ADCY9: variants seen among roughly 807,000 people sequenced by gnomAD.
ADCY9 encodes adenylate cyclase 9.
ADCY9 carries 50 observed loss-of-function variants against 101.5 expected under a neutral mutation model. The ratio of observed to expected loss-of-function variants is 0.49; its 90% confidence interval spans 0.39 to 0.62. ADCY9 has a LOEUF of 0.62. ADCY9 is among the 20% of genes least tolerant of loss of function. The probability of loss-of-function intolerance (pLI) is 0.00; values close to 1 mark genes in which losing one functional copy is unlikely to be tolerated. For missense variants in ADCY9, 1,662 were observed against 1,800.4 expected (o/e 0.92, Z 1.39); for synonymous variants, 905 against 769.3 (o/e 1.18, Z -2.92).
chr16:3,982,023 C>T (rs1019706091), intron 7 of ADCY9: 6 of 152,312 alleles, frequency 3.9e-5, no homozygotes, highest in Admixed American at 3.9e-4. Context: ...TGGGAGGGGT[C>T]CCCAGAAGCA....
chr16:3,999,416 A>G (rs2056314798), intron 3 of ADCY9, among the ~76,000 whole-genome samples: 1 of 152,158 alleles, frequency 6.6e-6, no homozygotes, highest in South Asian at 2.1e-4. Context: ...AGACGGCCAC[A>G]GACTCCAGGG....
intron 2 of ADCY9, among the ~76,000 whole-genome samples, chr16:4,009,701 C>T (rs753022242): frequency 2.0e-5 from 3 of 152,316 alleles, no homozygotes; most frequent in East Asian, 1.9e-4. Flanking sequence ...TGGAATACGA[C>T]GCAGGAGTGA....
intron 6 of ADCY9, among the ~76,000 whole-genome samples, chr16:3,986,704 C>T (rs572527761): frequency 5.3e-5 from 8 of 152,070 alleles, no homozygotes; most frequent in South Asian, 2.1e-4. Context: ...GTGATCTGCC[C>T]GCCTCAGCCT....
chr16:4,053,792 T>A (rs1343159082), intron 2 of ADCY9, among the ~76,000 whole-genome samples: 2 of 152,130 alleles, frequency 1.3e-5, no homozygotes, highest in African/African-American at 4.8e-5. Context: ...ACTTCAAAAG[T>A]TATTTGCCTC....
At chr16:4,001,471 G>A (rs939183273) in intron 3 of ADCY9, among the ~76,000 whole-genome samples, 1 of 152,230 alleles carries the variant, frequency 6.6e-6, no homozygotes, top group African/African-American at 2.4e-5. Context: ...GCAGTGAGCA[G>A]GGAGGCTCAC....
At chr16:3,995,583 C>A (rs2056280315) in intron 3 of ADCY9, among the ~76,000 whole-genome samples, 1 of 150,148 alleles carries the variant, frequency 6.7e-6, no homozygotes, top group Non-Finnish European at 1.5e-5. Context: ...ATGAAGAAGA[C>A]AAACCGTGGC....
intron 5 of ADCY9, among the ~76,000 whole-genome samples, chr16:3,991,337 C>A (rs1010838486): frequency 6.6e-6 from 1 of 152,090 alleles, no homozygotes; most frequent in Non-Finnish European, 1.5e-5. Flanking sequence ...ACTGCGTGTC[C>A]CTGGAGAGGA....
chr16:4,115,514 C>T lies in ADCY9; in HGVS notation c.-43-29G>A. ...CCAGCAAAACGGGGAGAGTTAGCGG[C>T]GCTCCCACCTAGGCATGCACGCCTA... On this transcript the variant is annotated intron_variant, in intron 1 of 10. Transcript: ENST00000294016. The surrounding 1 kb of genome is among the most constrained non-coding windows in gnomAD (Gnocchi z 6.2). 1 of 1,456,470 alleles carries T rather than the reference C, an allele frequency of 6.9e-7. No homozygotes were observed. The highest frequency in any genetic ancestry group is 2.5e-5 in the East Asian group (1 of 40,204). 90.2% of individuals were successfully genotyped at this position (1,456,470 alleles called of 1,614,324 possible). A position where few individuals can be genotyped will look rare whatever the true frequency, so the allele number is the denominator to read the frequency against.
intron 2 of ADCY9, 113 bp downstream of exon 2, chr16:4,113,637 G>C (rs946579037): frequency 2.2e-6 from 3 of 1,362,424 alleles, no homozygotes; most frequent in Non-Finnish European, 3.0e-6. Flanking sequence ...CCATGGTAAG[G>C]CATTCTGAGA....
rs568215739 is a variant in ADCY9 at position 4,054,923 on chromosome 16, A to G, written c.1694-47365T>C. On this transcript the variant is annotated intron_variant, in intron 2 of 10. Transcript: ENST00000294016. Reference sequence around the variant, plus strand: ...ACAAAAGAATCCCACATGCTGTACAACACCACTCGAGATTTTAGGGTTTTT... The same window carrying G: ...ACAAAAGAATCCCACATGCTGTACAGCACCACTCGAGATTTTAGGGTTTTT... 5.3e-5 allele frequency among the ~76,000 whole-genome samples: 8 copies of G among 152,306 alleles called. No individual in the cohort carries two copies. In the South Asian group the frequency reaches 1.7e-3, roughly 32 times the overall value.
chr16:4,085,611 A>G (rs2056932848), intron 2 of ADCY9, among the ~76,000 whole-genome samples: 1 of 152,110 alleles, frequency 6.6e-6, no homozygotes, highest in East Asian at 1.9e-4. Flanking sequence ...TCCAACCCTG[A>G]CTGGTTACAT....
intron 2 of ADCY9, chr16:4,015,759 G>T (rs184982235): frequency 1.2e-4 from 19 of 152,266 alleles, no homozygotes; most frequent in African/African-American, 4.1e-4. Context: ...TTGAGGTCGG[G>T]AGTTCAAGAC....
rs1325462657 is a variant in ADCY9, at chr16:4,110,371, A to T, written c.1693+3379T>A. Among the ~76,000 whole-genome samples, 4 of 126,638 alleles carry T rather than the reference A, an allele frequency of 3.2e-5. 1 individual carries two copies. The highest frequency in any genetic ancestry group is 6.6e-5 in the Non-Finnish European group (4 of 60,326). 83.1% of individuals were successfully genotyped at this position (126,638 alleles called of 152,430 possible). On this transcript the variant is annotated intron_variant, in intron 2 of 10. Transcript: ENST00000294016. ...AGGGCAGTTTTGCAATCATACTTAT[A>T]CCTACTTTTTTTTTTTTTTTTTTTT...
intron 2 of ADCY9, among the ~76,000 whole-genome samples, chr16:4,090,986 T>G (rs1176089245): frequency 6.6e-6 from 1 of 152,080 alleles, no homozygotes; most frequent in African/African-American, 2.4e-5. Flanking sequence ...CAAATTGACC[T>G]AAGCTTTCAG....
chr16:4,095,001 C>T (rs994039540), intron 2 of ADCY9, among the ~76,000 whole-genome samples: 49 of 128,850 alleles, frequency 3.8e-4, no homozygotes, highest in Admixed American at 3.2e-3. Context: ...ATGTTGATGA[C>T]ATTTAATTTT....
At chr16:4,021,933 T>C (rs1370294431) in intron 2 of ADCY9, among the ~76,000 whole-genome samples, 3 of 152,180 alleles carry the variant, frequency 2.0e-5, no homozygotes, top group African/African-American at 7.2e-5. Context: ...ACCCCATGGC[T>C]CCTTACATTT....
chr16:4,000,247 C>T lies in ADCY9; in HGVS notation c.1885-6737G>A, dbSNP rs145458135. 1.1e-4 allele frequency among the ~76,000 whole-genome samples: 17 copies of T among 152,338 alleles called. No individual in the cohort carries two copies. In the East Asian group the frequency reaches 2.1e-3, roughly 19 times the overall value. Reference sequence around the variant, plus strand: ...GCAACCACGATGCAGGTACTATGATCGGTTCCATTTTACAGATGAGGACAC... The same window carrying T: ...GCAACCACGATGCAGGTACTATGATTGGTTCCATTTTACAGATGAGGACAC... On this transcript the variant is annotated intron_variant, in intron 3 of 10. Transcript: ENST00000294016.
intron 5 of ADCY9, among the ~76,000 whole-genome samples, chr16:3,991,198 G>C (rs1018137174): frequency 6.6e-6 from 1 of 152,184 alleles, no homozygotes; most frequent in Admixed American, 6.5e-5. Flanking sequence ...ATATGTACAA[G>C]ATCTTCAAGT....
chr16:4,098,631 G>A (rs2057023614), intron 2 of ADCY9, among the ~76,000 whole-genome samples: 1 of 152,164 alleles, frequency 6.6e-6, no homozygotes, highest in Non-Finnish European at 1.5e-5. Flanking sequence ...AACACAGCAG[G>A]AAGTAAAACA....
Sources: allele counts gnomAD v4.1 joint callset (sites outside exome capture counted in the v4.1 genomes callset), GRCh38; gene constraint gnomAD v4.1.1; non-coding constraint Gnocchi (gnomAD v3.1); transcripts MANE v1.5; gene names NCBI Gene and HGNC (gene_info 2026-07-23, HGNC 2026-07-21).